Variants in LAP3 observed in about 807,000 individuals in gnomAD.
The protein encoded by LAP3 is leucine aminopeptidase 3.
Under a neutral mutation model 58.8 loss-of-function variants are expected in LAP3, and 46 were observed. The ratio of observed to expected loss-of-function variants is 0.78; its 90% CI spans 0.62 to 1.00. The LOEUF (loss-of-function observed/expected upper bound fraction) is 1.00, where lower values mean the gene tolerates loss of function less well. Ranked by LOEUF, LAP3 falls within the 50% of genes least tolerant of loss-of-function variation. The probability of loss-of-function intolerance (pLI) is 0.00; values close to 1 mark genes in which losing one functional copy is unlikely to be tolerated. For synonymous variants in LAP3, 257 were observed against 237.7 expected (o/e 1.08, Z -0.75); for missense variants, 615 against 659.1 (o/e 0.93, Z 0.73).
rs11929883 is a variant in LAP3, at chr4:17,595,298, A to G, written c.864-112A>G. On this transcript the variant is annotated intron_variant, in intron 7 of 12. Coordinates refer to ENST00000226299, the MANE Select transcript of LAP3 (RefSeq NM_015907.3). ...CGTGATCCGCCCACCTCGGCCTCCC[A>G]AAGTGCTGGGATTACAGGCGTGAGC... The G allele has an allele frequency of 2.5e-5, 32 of 1,263,684 alleles. No individual in the cohort carries two copies. In the East Asian group the frequency reaches 7.4e-4, roughly 29 times the overall value. 78.3% of individuals were successfully genotyped at this position (1,263,684 alleles called of 1,614,324 possible). A position where few individuals can be genotyped will look rare whatever the true frequency, so the allele number is the denominator to read the frequency against.
chr4:17,585,198 A>G (rs1389336046), intron 6 of LAP3, 62 bp downstream of exon 6: 2 of 1,366,250 alleles, frequency 1.5e-6, no homozygotes, highest in African/African-American at 1.4e-5. Context: ...TTGAGATCCT[A>G]AAATCCAGCT....
intron 4 of LAP3, 175 bp from the exon 5 acceptor site, chr4:17,583,308 T>C: frequency 1.4e-6 from 1 of 693,860 alleles, no homozygotes; most frequent in Non-Finnish European, 2.5e-6. Flanking sequence ...TGCTGTAAAA[T>C]GCACTCACGT....
intron 10 of LAP3, among the ~76,000 whole-genome samples, chr4:17,603,312 A>G (rs1162539840): frequency 6.6e-6 from 1 of 151,870 alleles, no homozygotes; most frequent in East Asian, 2.0e-4. Context: ...TGTCTCAAAA[A>G]AGGAGGAACA....
At chr4:17,602,460 A>G (rs1016879857) in intron 10 of LAP3, among the ~76,000 whole-genome samples, 2 of 152,222 alleles carry the variant, frequency 1.3e-5, no homozygotes, top group African/African-American at 4.8e-5. Flanking sequence ...ATGCTAATTA[A>G]TGTAAAAATA....
In LAP3 at chr4:17,604,610, A is replaced by C; in HGVS notation, c.1203A>C (p.Gly401=). 6.2e-7 allele frequency: 1 copy of C among 1,614,086 alleles called. No individual in the cohort carries two copies. The highest frequency in any genetic ancestry group is 8.5e-7 in the Non-Finnish European group (1 of 1,179,992). ...CAGGTGCCATGGATGTAGCTTTGGGATCAGGTGCCACTGGGGTCTTTACCA... is the reference window on the plus strand; with the variant it reads ...CAGGTGCCATGGATGTAGCTTTGGGCTCAGGTGCCACTGGGGTCTTTACCA... ...TLTGAMDVAL[G]SGATGVFTNS... is the part of the protein sequence containing the mutation. Residue 401 remains glycine, a synonymous_variant, in exon 11 of 13, where the codon GGA becomes GGC. Coordinates refer to ENST00000226299, the MANE Select transcript of LAP3 (RefSeq NM_015907.3).
chr4:17,583,484 G>T lies in LAP3; in HGVS notation c.381G>T (p.Ala127=). 1.2e-6 allele frequency: 2 copies of T among 1,613,528 alleles called. No individual in the cohort carries two copies. Among genetic ancestry groups the T allele is most frequent in the South Asian group, 2.2e-5 (2 of 91,024 alleles). ...TTCTGATTCCTCTGTCTTTTCAAGC[G>T]GGGTGCAGGCAGATTCAAGACCTGG... ...GKENIRAAVA[A]GCRQIQDLEL... The change falls in exon 5 of 13, where the codon GCG becomes GCT. Residue 127 remains alanine (A), a splice_region_variant and synonymous_variant. Coordinates refer to ENST00000226299, the MANE Select transcript of LAP3 (RefSeq NM_015907.3).
chr4:17,581,257 T>A (rs2109017612), intron 2 of LAP3, among the ~76,000 whole-genome samples: 1 of 152,362 alleles, frequency 6.6e-6, no homozygotes, highest in Middle Eastern at 3.4e-3. Context: ...TTTGGTGTCT[T>A]GTGGCTTTTA....
intron 1 of LAP3, among the ~76,000 whole-genome samples, chr4:17,578,033 CTCTCTA>C (rs1472807899): frequency 2.0e-5 from 3 of 152,210 alleles, no homozygotes; most frequent in African/African-American, 7.2e-5. Context: ...AAAAGCATGC[CTCTCTA>C]GAGAAAAGGG....
chr4:17,594,492 T>A (rs1252157010), intron 7 of LAP3, among the ~76,000 whole-genome samples: 1 of 152,190 alleles, frequency 6.6e-6, no homozygotes, highest in East Asian at 1.9e-4. Context: ...GAGCAGCAGA[T>A]CTCAATTAGA....
chr4:17,595,366 ATCT>A (rs1560346420), intron 7 of LAP3, 41 bp from the exon 8 acceptor site: 3 of 1,598,892 alleles, frequency 1.9e-6, no homozygotes, highest in East Asian at 2.3e-5. Flanking sequence ...GATTTTGGCC[ATCT>A]TCTTTGCTCT....
Position 17,607,678 on chromosome 4 carries a change from C to A in LAP3, c.*89C>A. The A allele has an allele frequency of 3.0e-6, 3 of 1,000,946 alleles. No homozygotes were observed. Among genetic ancestry groups the A allele is most frequent in the Non-Finnish European group, 2.8e-6 (2 of 703,132 alleles). 62.0% of individuals were successfully genotyped at this position (1,000,946 alleles called of 1,614,324 possible). A position where few individuals can be genotyped will look rare whatever the true frequency, so the allele number is the denominator to read the frequency against. ...GAATAAATGGATGAAAATCTTTTAACGGAGACAAAGGATGGTATTTAAAAA... is the reference window on the plus strand; with the variant it reads ...GAATAAATGGATGAAAATCTTTTAAAGGAGACAAAGGATGGTATTTAAAAA... On this transcript the variant is annotated 3_prime_UTR_variant, in exon 13 of 13. Transcript: ENST00000226299.
At position 17,579,907 on chromosome 4, in the gene LAP3, G is replaced by T. The variant is rs564360541; in HGVS notation, c.186G>T (p.Leu62Phe). 35 of 1,611,338 alleles carry T rather than the reference G, an allele frequency of 2.2e-5. No homozygotes were observed. In the Middle Eastern group the frequency reaches 5.0e-4, roughly 23 times the overall value. Reference protein sequence around the residue: ...FTSAGENFDKLLAGKLRETLN... With the variant: ...FTSAGENFDKFLAGKLRETLN... The stretch of plus-strand genomic sequence containing the variant: ...GTGCAGGAGAGAATTTTGATAAATT[G>T]TTAGCTGGAAAGCTGAGAGAGACTT... The change falls in exon 2 of 13, where the codon TTG (leucine) becomes TTT (phenylalanine). Residue 62 changes from leucine to phenylalanine, a missense_variant. Physicochemically the swap from Leu to Phe is conservative, Grantham distance 22 (BLOSUM62 0). Transcript: ENST00000226299.
chr4:17,583,511 GCT>G lies in LAP3; in HGVS notation c.412_413del (p.Ser138ValfsTer23). On this transcript the variant is annotated frameshift_variant, in exon 5 of 13. Coordinates refer to ENST00000226299, the MANE Select transcript of LAP3 (RefSeq NM_015907.3). LOFTEE classifies it high-confidence loss of function. ...AGCRQIQDLE[L>X]SSVEVDPCGD... ...GGTGCAGGCAGATTCAAGACCTGGA[GCT>G]CTCGTCTGTGGAGGTGGATCCCTGT... 9 of 1,614,074 alleles carry G rather than the reference GCT, an allele frequency of 5.6e-6. No individual in the cohort carries two copies. Among genetic ancestry groups the G allele is most frequent in the Non-Finnish European group, 7.6e-6 (9 of 1,180,036 alleles).
Position 17,588,918 on chromosome 4 carries a change from C to T in LAP3, c.804C>T (p.Gly268=). ...PPVFLEIHYK[G]SPNANEPPLV... Reference sequence around the variant, plus strand: ...TCTTCTTGGAAATTCACTACAAAGGCAGCCCCAATGCAAACGAACCACCCC... The same window carrying T: ...TCTTCTTGGAAATTCACTACAAAGGTAGCCCCAATGCAAACGAACCACCCC... Residue 268 remains glycine (G), a synonymous_variant, in exon 7 of 13, where the codon GGC becomes GGT. Transcript: ENST00000226299. 6.2e-7 allele frequency: 1 copy of T among 1,614,190 alleles called. No individual in the cohort carries two copies.
At chr4:17,579,466 G>A (rs1713293204) in intron 1 of LAP3, among the ~76,000 whole-genome samples, 1 of 152,332 alleles carries the variant, frequency 6.6e-6, no homozygotes, top group Admixed American at 6.5e-5. Context: ...GTATATTTTG[G>A]AGTGGCATGT....
intron 7 of LAP3, 98 bp downstream of exon 7, chr4:17,589,075 T>C: frequency 7.5e-7 from 1 of 1,337,928 alleles, no homozygotes; most frequent in East Asian, 2.3e-5. Context: ...TTTTTTTTTT[T>C]TTTGAGGCAG....
rs528987425 is a variant in LAP3, at chr4:17,595,260, G to T, written c.864-150G>T. ...GCACCGTGTTAGCCAGGATGGTCTC[G>T]ATCTCCTGACCTCGTGATCCGCCCA... On this transcript the variant is annotated intron_variant, in intron 7 of 12. Coordinates refer to ENST00000226299, the MANE Select transcript of LAP3 (RefSeq NM_015907.3). 1.5e-4 allele frequency: 112 copies of T among 725,474 alleles called. 2 individuals carry two copies. The highest frequency in any genetic ancestry group is 8.3e-4 in the Middle Eastern group (2 of 2,396). 44.9% of individuals were successfully genotyped at this position (725,474 alleles called of 1,614,324 possible).
chr4:17,579,489 C>T (rs1713293611), intron 1 of LAP3, among the ~76,000 whole-genome samples: 1 of 152,196 alleles, frequency 6.6e-6, no homozygotes, highest in Non-Finnish European at 1.5e-5. Flanking sequence ...TGAATCCTTT[C>T]AGGGTCTATC....
chr4:17,601,045 T>C (rs749043928), intron 10 of LAP3, among the ~76,000 whole-genome samples: 1 of 152,230 alleles, frequency 6.6e-6, no homozygotes, highest in Non-Finnish European at 1.5e-5. Flanking sequence ...CAGTGACATA[T>C]TCGGGGATGG....
Sources: allele counts gnomAD v4.1 joint callset (sites outside exome capture counted in the v4.1 genomes callset), GRCh38; gene constraint gnomAD v4.1.1; transcripts MANE v1.5; gene names NCBI Gene and HGNC (gene_info 2026-07-23, HGNC 2026-07-21).